Variants in CGGBP1 observed in about 807,000 individuals in gnomAD.
CGGBP1 encodes the protein CGG triplet repeat binding protein 1.
A neutral mutation model predicts 11.4 loss-of-function variants in CGGBP1; 4 were observed. That is an observed-to-expected ratio of 0.35 (90% CI 0.17 to 0.80). The LOEUF (loss-of-function observed/expected upper bound fraction) is 0.80. Among genes scored for constraint, CGGBP1 ranks in the 30% least tolerant of loss-of-function variants. The probability of loss-of-function intolerance (pLI) is 0.52; values close to 1 mark genes in which losing one functional copy is unlikely to be tolerated. For missense variants in CGGBP1, 135 were observed against 202.1 expected (o/e 0.67, Z 2.01); for synonymous variants, 76 against 74.1 (o/e 1.03, Z -0.13).
chr3:88,140,803 A>G (rs1184835192), intron 2 of CGGBP1: 1 of 1,613,626 alleles, frequency 6.2e-7, no homozygotes, highest in Non-Finnish European at 8.5e-7. Flanking sequence ...ATTTTAACAA[A>G]ACCATACGTC....
Position 88,129,612 on chromosome 3 carries a change from T to C in CGGBP1, c.-229+11358A>G, listed in dbSNP as rs1465974771. Reference sequence around the variant, plus strand: ...AGAAATCTAAGCAATTTCTCTTGAATGTTTAAACATTTATTGCAACTAGCT... The same window carrying C: ...AGAAATCTAAGCAATTTCTCTTGAACGTTTAAACATTTATTGCAACTAGCT... On this transcript the variant is annotated intron_variant, in intron 2 of 3. Transcript: ENST00000462901. 7.9e-6 allele frequency: 9 copies of C among 1,143,138 alleles called. No homozygotes were observed. In the South Asian group the frequency reaches 1.9e-4, roughly 24 times the overall value. 70.8% of individuals were successfully genotyped at this position (1,143,138 alleles called of 1,614,324 possible).
At chr3:88,138,303 T>C (rs540568240) in intron 2 of CGGBP1, among the ~76,000 whole-genome samples, 1 of 152,228 alleles carries the variant, frequency 6.6e-6, no homozygotes, top group South Asian at 2.1e-4. Flanking sequence ...TGTGGAAAAT[T>C]GATAAATCTG....
At chr3:88,147,061 A>C (rs9861443) in intron 1 of CGGBP1, among the ~76,000 whole-genome samples, 88,261 of 152,046 alleles carry the variant, frequency 0.58, 29,821 homozygotes, top group South Asian at 0.83. Flanking sequence ...TCCTGTTTAA[A>C]ACCTGCCAGT....
intron 2 of CGGBP1, among the ~76,000 whole-genome samples, chr3:88,096,936 T>C (rs1036862729): frequency 4.6e-5 from 7 of 152,180 alleles, no homozygotes; most frequent in African/African-American, 1.4e-4. Flanking sequence ...GCTAGTATAC[T>C]ATACACACTG....
intron 2 of CGGBP1, among the ~76,000 whole-genome samples, chr3:88,117,050 A>G (rs1245688028): frequency 1.3e-5 from 2 of 152,176 alleles, no homozygotes; most frequent in Non-Finnish European, 2.9e-5. Context: ...AATATCTTCC[A>G]TGAATATAAG....
chr3:88,148,176 C>T (rs1707343130), intron 1 of CGGBP1, among the ~76,000 whole-genome samples: 1 of 152,200 alleles, frequency 6.6e-6, no homozygotes, highest in Admixed American at 6.5e-5. Context: ...CATCCTCTCC[C>T]ATCCTTGTCT....
intron 2 of CGGBP1, among the ~76,000 whole-genome samples, chr3:88,132,773 A>C (rs1230219204): frequency 6.6e-6 from 1 of 152,218 alleles, no homozygotes; most frequent in Non-Finnish European, 1.5e-5. Flanking sequence ...AAAGATGCTG[A>C]ATAGGAATAA....
chr3:88,091,618 T>C (rs1231525260), intron 2 of CGGBP1, among the ~76,000 whole-genome samples: 1 of 152,160 alleles, frequency 6.6e-6, no homozygotes, highest in East Asian at 1.9e-4. Flanking sequence ...CCAAATCTCA[T>C]CTTGAATTGT....
intron 2 of CGGBP1, among the ~76,000 whole-genome samples, chr3:88,090,390 C>T (rs568642798): frequency 6.6e-6 from 1 of 150,670 alleles, no homozygotes; most frequent in Admixed American, 6.6e-5. Context: ...ATGTAAAATA[C>T]AAAAATGAAA....
chr3:88,105,377 A>T (rs1198879407), intron 2 of CGGBP1, among the ~76,000 whole-genome samples: 1 of 152,160 alleles, frequency 6.6e-6, no homozygotes. Flanking sequence ...GTATTCTGTG[A>T]ATTCTATGAA....
chr3:88,088,757 TATGTATGGATGGATGGATGGATGG>T (rs1708475327), intron 2 of CGGBP1, among the ~76,000 whole-genome samples: 13 of 94,330 alleles, frequency 1.4e-4, no homozygotes, highest in Non-Finnish European at 2.3e-4. Context: ...TGTATGTATG[TATGTATGGATGGATGGATGGATGG>T]ATGGATGGAT....
chr3:88,062,097 C>G (rs1706918900), upstream of CGGBP1, among the ~76,000 whole-genome samples: 2 of 152,118 alleles, frequency 1.3e-5, no homozygotes, highest in Admixed American at 1.3e-4. Flanking sequence ...TGGACTGGCC[C>G]TATCACATCC....
chr3:88,082,299 A>G (rs1708119092), intron 2 of CGGBP1, among the ~76,000 whole-genome samples: 1 of 151,860 alleles, frequency 6.6e-6, no homozygotes, highest in Non-Finnish European at 1.5e-5. Flanking sequence ...GCTAATTTTT[A>G]TATTTTTAGT....
intron 2 of CGGBP1, chr3:88,113,269 TTA>T: frequency 1.2e-6 from 1 of 821,802 alleles, no homozygotes; most frequent in African/African-American, 1.8e-5. Context: ...TAAATATAGC[TTA>T]TTGGTTATTA....
At chr3:88,135,031 T>C in intron 2 of CGGBP1, 2 of 1,341,462 alleles carry the variant, frequency 1.5e-6, no homozygotes, top group Non-Finnish European at 1.9e-6. Flanking sequence ...AACTGTATTT[T>C]TGATAATTCT....
In CGGBP1 at chr3:88,052,485, G is replaced by A. The variant is rs977344057; in HGVS notation, c.*2988C>T. 9 of 152,578 alleles carry A rather than the reference G, an allele frequency of 5.9e-5. No individual in the cohort carries two copies. The highest frequency in any genetic ancestry group is 2.2e-4 in the African/African-American group (9 of 41,452). The allele number at this position is 152,578 out of a possible 1,614,324, so 9.5% of individuals were successfully genotyped here. A position where few individuals can be genotyped will look rare whatever the true frequency, so the allele number is the denominator to read the frequency against. On this transcript the variant is annotated 3_prime_UTR_variant, in exon 4 of 4. Coordinates refer to ENST00000482016, the MANE Select transcript of CGGBP1 (RefSeq NM_001008390.2). ...TGGCTTTTGTTTTGGGCCATCTTAA[G>A]TTTTGTGTTTTCCATTAACATTCAT...
intron 2 of CGGBP1, among the ~76,000 whole-genome samples, chr3:88,064,255 C>G (rs1273075286): frequency 6.6e-6 from 1 of 151,910 alleles, no homozygotes; most frequent in African/African-American, 2.4e-5. Context: ...TAATTTTTTC[C>G]CTAGTTGTTT....
Position 88,055,530 on chromosome 3 carries a change from T to C in CGGBP1, c.447A>G (p.Ala149=), listed in dbSNP as rs200198760. The stretch of plus-strand genomic sequence containing the variant: ...CATTCTCATATCCATCAGGAAGATA[T>C]GCCCTCCGTAGCTGGTCTGACTTAG... ...SIPKSDQLRR[A]YLPDGYENEN... is the part of the protein sequence containing the mutation. Residue 149 remains alanine, a synonymous_variant, in exon 4 of 4, where the codon GCA becomes GCG. Coordinates refer to ENST00000482016, the MANE Select transcript of CGGBP1 (RefSeq NM_001008390.2). This position sits in a 1 kb window ranked among gnomAD's most constrained non-coding sequence, Gnocchi z 4.2. 3.2e-5 allele frequency: 50 copies of C among 1,562,982 alleles called. No homozygotes were observed. The highest frequency in any genetic ancestry group is 2.4e-4 in the African/African-American group (18 of 73,492).
chr3:88,088,757 T>TGGATGG (rs1553694194), intron 2 of CGGBP1, among the ~76,000 whole-genome samples: 1,644 of 94,384 alleles, frequency 0.017, 27 homozygotes, highest in African/African-American at 0.042. Flanking sequence ...TGTATGTATG[T>TGGATGG]ATGTATGGAT....
Sources: allele counts gnomAD v4.1 joint callset (sites outside exome capture counted in the v4.1 genomes callset), GRCh38; gene constraint gnomAD v4.1.1; non-coding constraint Gnocchi (gnomAD v3.1); transcripts MANE v1.5; gene names NCBI Gene and HGNC (gene_info 2026-07-23, HGNC 2026-07-21).